FCGR3A: variants seen among roughly 807,000 people sequenced by gnomAD.
The protein encoded by FCGR3A is low affinity immunoglobulin gamma Fc region receptor III-A.
In FCGR3A, 13 loss-of-function variants were observed where a neutral mutation model predicts 24.1. The observed-to-expected ratio is 0.54, with a 90% CI of 0.35 to 0.86. The LOEUF (loss-of-function observed/expected upper bound fraction) is 0.86. FCGR3A is among the 40% of genes least tolerant of loss of function. FCGR3A has a pLI of 0.01. For missense variants in FCGR3A, 235 were observed against 298.0 expected (o/e 0.79, Z 1.56); for synonymous variants, 93 against 112.2 (o/e 0.83, Z 1.08).
rs772834069 is a variant in FCGR3A, at chr1:161,549,740, G to A, written c.-4C>T. On this transcript the variant is annotated 5_prime_UTR_variant, in exon 1 of 5. Coordinates refer to ENST00000443193, the MANE Select transcript of FCGR3A (RefSeq NM_000569.8). ...TTGGGAGGAGCAGCTGCCACATGAT[G>A]CCACACTGGAGTGGACAAGTCACCA... 6 of 1,613,918 alleles carry A rather than the reference G, an allele frequency of 3.7e-6. No individual in the cohort carries two copies. The South Asian group carries it at 6.6e-5, about 18-fold the overall frequency.
upstream of FCGR3A, chr1:161,549,843 A>C: frequency 6.2e-7 from 1 of 1,612,382 alleles, no homozygotes; most frequent in South Asian, 1.1e-5. Context: ...CCCTCCACCC[A>C]TCTCTGTCAC....
At chr1:161,549,359 G>C (rs1170631867) in intron 1 of FCGR3A, among the ~76,000 whole-genome samples, 4 of 152,042 alleles carry the variant, frequency 2.6e-5, no homozygotes, top group Non-Finnish European at 5.9e-5. Context: ...ACAAGAAAGG[G>C]TAGAAATTGA....
At chr1:161,543,359 G>T (rs1677221825) in intron 4 of FCGR3A, among the ~76,000 whole-genome samples, 160 bp from the exon 5 acceptor site, 1 of 152,120 alleles carries the variant, frequency 6.6e-6, no homozygotes, top group African/African-American at 2.4e-5. Flanking sequence ...TCCTCCCATT[G>T]GTTCCTGATC....
At position 161,542,868 on chromosome 1, in the gene FCGR3A, G is replaced by A. The variant is rs2973; in HGVS notation, c.*144C>T. The A allele has an allele frequency of 1.7e-4, 109 of 645,692 alleles. 1 individual carries two copies. Among genetic ancestry groups the A allele is most frequent in the East Asian group, 1.6e-3 (57 of 36,182 alleles). The allele number at this position is 645,692 out of a possible 1,614,324, so 40.0% of individuals were successfully genotyped here. Reference sequence around the variant, plus strand: ...CCCTTCCACTGGAGACCAAGGAAAAGTCGAGAGTTGGATAAGGGATCTGGC... The same window carrying A: ...CCCTTCCACTGGAGACCAAGGAAAAATCGAGAGTTGGATAAGGGATCTGGC... On this transcript the variant is annotated 3_prime_UTR_variant, in exon 5 of 5. Transcript: ENST00000443193.
At chr1:161,543,572 T>G (rs1334217603) in intron 4 of FCGR3A, among the ~76,000 whole-genome samples, 2 of 152,140 alleles carry the variant, frequency 1.3e-5, no homozygotes, top group Non-Finnish European at 2.9e-5. Flanking sequence ...AAACTCTTGA[T>G]TTTGATATAT....
intron 4 of FCGR3A, among the ~76,000 whole-genome samples, chr1:161,543,790 G>T (rs575828034): frequency 6.6e-6 from 1 of 152,386 alleles, no homozygotes; most frequent in Admixed American, 6.5e-5. Flanking sequence ...AAGGTGTTTT[G>T]CTGCCTTTCT....
chr1:161,543,051 G>T lies in FCGR3A; in HGVS notation c.726C>A (p.Asp242Glu). 1 of 1,613,070 alleles carries T rather than the reference G, an allele frequency of 6.2e-7. No homozygotes were observed. Among genetic ancestry groups the T allele is most frequent in the Non-Finnish European group, 8.5e-7 (1 of 1,179,490 alleles). Reference protein sequence around the residue: ...NIRSSTRDWKDHKFKWRKDPQ... With the variant: ...NIRSSTRDWKEHKFKWRKDPQ... The stretch of plus-strand genomic sequence containing the variant: ...GGTCCTTTCTCCATTTAAATTTATG[G>T]TCCTTCCAGTCTCTTGTTGAGCTTC... The change falls in exon 5 of 5, where the codon GAC becomes GAA. Residue 242 changes from aspartate (D) to glutamate (E), a missense_variant. Transcript: ENST00000443193.
At chr1:161,548,113 C>A (rs1302260608) in intron 3 of FCGR3A, among the ~76,000 whole-genome samples, 2 of 152,250 alleles carry the variant, frequency 1.3e-5, no homozygotes, top group Non-Finnish European at 1.5e-5. Context: ...ATATAAATAA[C>A]TATTATTGAG....
chr1:161,543,206 G>C lies in FCGR3A; in HGVS notation c.578-7C>G, dbSNP rs777016403. On this transcript the variant is annotated splice_region_variant and splice_polypyrimidine_tract_variant and intron_variant, in intron 4 of 4. Coordinates refer to ENST00000443193, the MANE Select transcript of FCGR3A (RefSeq NM_000569.8). ...ATGGTTGACACTGCCAAACCTATTA[G>C]GAGAAGTGGAGAGATGAAAAAAAAT... is the stretch of plus-strand genomic sequence containing the variant. 9.3e-6 allele frequency: 15 copies of C among 1,609,458 alleles called. No homozygotes were observed. Among genetic ancestry groups the C allele is most frequent in the Middle Eastern group, 3.3e-4 (2 of 6,042 alleles).
At position 161,548,426 on chromosome 1, in the gene FCGR3A, T is replaced by G. The variant is rs762177505; in HGVS notation, c.314A>C (p.His105Pro). The G allele has an allele frequency of 1.2e-6, 2 of 1,614,024 alleles. No homozygotes were observed. Among genetic ancestry groups the G allele is most frequent in the Non-Finnish European group, 1.7e-6 (2 of 1,179,864 alleles). ...CTTCCCCTTCATCAACTCACCGATA[T>G]GGACTTCTAGCTGCACCGGGTCACT... is the stretch of plus-strand genomic sequence containing the variant. Reference protein sequence around the residue: ...TLSDPVQLEVHIGWLLLQAPR... With the variant: ...TLSDPVQLEVPIGWLLLQAPR... The change falls in exon 3 of 5, where the codon CAT becomes CCT. Residue 105 changes from histidine (H) to proline (P), a missense_variant. Transcript: ENST00000443193.
rs758742978 is a variant in FCGR3A, at chr1:161,549,772, T to G, written c.-36A>C. 1.4e-5 allele frequency: 22 copies of G among 1,613,672 alleles called. 1 individual carries two copies. The South Asian group carries it at 2.3e-4, about 17-fold the overall frequency. ...TGGAGTGGACAAGTCACCAAAGATA[T>G]CCGGAGCCCTAAAGGGACCAAACCG... On this transcript the variant is annotated 5_prime_UTR_variant, in exon 1 of 5. Transcript: ENST00000443193.
rs771583484 is a variant in FCGR3A at position 161,548,516 on chromosome 1, A to C, written c.224T>G (p.Phe75Cys). Residue 75 changes from phenylalanine to cysteine, a missense_variant, in exon 3 of 5, where the codon TTC becomes TGC. Coordinates refer to ENST00000443193, the MANE Select transcript of FCGR3A (RefSeq NM_000569.8). ...SLISSQASSY[F>C]IDAATVDDSG... ...GTCGTCGACTGTGGCAGCGTCAATGAAGTAGCTCGAGGCCTGGCTTGAGAT... is the reference window on the plus strand; with the variant it reads ...GTCGTCGACTGTGGCAGCGTCAATGCAGTAGCTCGAGGCCTGGCTTGAGAT... 5 of 1,613,898 alleles carry C rather than the reference A, an allele frequency of 3.1e-6. No individual in the cohort carries two copies. The African/African-American group carries it at 6.7e-5, about 22-fold the overall frequency.
chr1:161,543,230 A>T (rs1386203018), intron 4 of FCGR3A, 31 bp from the exon 5 acceptor site: 2 of 1,603,580 alleles, frequency 1.2e-6, no homozygotes, highest in South Asian at 1.1e-5. Context: ...ATGAAAAAAA[A>T]TGACAGTCAC....
chr1:161,547,745 G>A (rs1021244283), intron 3 of FCGR3A, among the ~76,000 whole-genome samples: 14 of 152,258 alleles, frequency 9.2e-5, no homozygotes, highest in African/African-American at 3.4e-4. Context: ...AGGAGATTGA[G>A]GTCCTAACAC....
At position 161,549,125 on chromosome 1, in the gene FCGR3A, G is replaced by A; in HGVS notation, c.41-94C>T. 6.0e-6 allele frequency: 6 copies of A among 993,250 alleles called. No individual in the cohort carries two copies. In the South Asian group the frequency reaches 8.3e-5, roughly 14 times the overall value. The allele number at this position is 993,250 out of a possible 1,614,324, so 61.5% of individuals were successfully genotyped here. A position where few individuals can be genotyped will look rare whatever the true frequency, so the allele number is the denominator to read the frequency against. On this transcript the variant is annotated intron_variant, in intron 1 of 4. Coordinates refer to ENST00000443193, the MANE Select transcript of FCGR3A (RefSeq NM_000569.8). ...GTTTAAAACTCCCCTGCCCTCCTCT[G>A]CCCCAGGAGCCCAATTTTCCCAAGA... is the stretch of plus-strand genomic sequence containing the variant.
rs1175368998 is a variant in FCGR3A at position 161,547,551 on chromosome 1, A to T, written c.319+870T>A. Reference sequence around the variant, plus strand: ...CTGTTAATAGTACACAAGAACTTTCATGTCATGATTAATGTGCAGGCTGAA... The same window carrying T: ...CTGTTAATAGTACACAAGAACTTTCTTGTCATGATTAATGTGCAGGCTGAA... On this transcript the variant is annotated intron_variant, in intron 3 of 4. Coordinates refer to ENST00000443193, the MANE Select transcript of FCGR3A (RefSeq NM_000569.8). Among the ~76,000 whole-genome samples, 14 of 152,198 alleles carry T rather than the reference A, an allele frequency of 9.2e-5. 1 individual carries two copies. Among genetic ancestry groups the T allele is most frequent in the African/African-American group, 3.4e-4 (14 of 41,432 alleles).
intron 3 of FCGR3A, chr1:161,545,821 G>A (rs1373016611): frequency 6.6e-6 from 1 of 151,922 alleles, no homozygotes; most frequent in Non-Finnish European, 1.5e-5. Flanking sequence ...GTATTATAAT[G>A]GCATAAGAAA....
At chr1:161,547,802 G>T (rs1242384733) in intron 3 of FCGR3A, among the ~76,000 whole-genome samples, 2 of 152,300 alleles carry the variant, frequency 1.3e-5, no homozygotes, top group Admixed American at 1.3e-4. Context: ...AGGTGTGGTG[G>T]CTCACGCCTG....
chr1:161,549,605 T>C (rs1229629590), intron 1 of FCGR3A, 92 bp downstream of exon 1: 5 of 1,561,216 alleles, frequency 3.2e-6, no homozygotes, highest in Non-Finnish European at 4.3e-6. Context: ...TCCCATCCCT[T>C]CGTGGGAGTC....
Sources: gnomAD v4.1 joint callset for allele counts (sites outside exome capture counted in the v4.1 genomes callset) on GRCh38, gnomAD v4.1.1 for gene constraint, MANE v1.5 for transcripts, NCBI Gene and HGNC (gene_info 2026-07-23, HGNC 2026-07-21) for gene names.